Variants in ANTXR2 observed in about 807,000 individuals in gnomAD.
ANTXR2 encodes ANTXR cell adhesion molecule 2.
Under a neutral mutation model 73.7 loss-of-function variants are expected in ANTXR2, and 44 were observed. The observed-to-expected ratio is 0.60, with a 90% confidence interval of 0.47 to 0.77. The LOEUF (loss-of-function observed/expected upper bound fraction) is 0.77. ANTXR2 is among the 30% of genes least tolerant of loss of function. ANTXR2 has a pLI of 0.00. For synonymous variants in ANTXR2, 217 were observed against 205.9 expected (o/e 1.05, Z -0.46); for missense variants, 604 against 592.5 (o/e 1.02, Z -0.20).
At chr4:79,953,271 G>C (rs759779609) in intron 16 of ANTXR2, among the ~76,000 whole-genome samples, 2 of 151,172 alleles carry the variant, frequency 1.3e-5, no homozygotes, top group Non-Finnish European at 2.9e-5. Context: ...ATTTTTGTAA[G>C]ATGATTTTGG....
intron 11 of ANTXR2, 144 bp from the exon 12 acceptor site, chr4:80,008,760 T>A: frequency 2.1e-6 from 1 of 477,874 alleles, no homozygotes; most frequent in Non-Finnish European, 3.6e-6. Flanking sequence ...TTTTAATTTC[T>A]TGAAATTCTA....
chr4:79,906,228 G>A lies in ANTXR2; in HGVS notation c.*1201C>T, dbSNP rs1321293144. 2 of 152,532 alleles carry A rather than the reference G, an allele frequency of 1.3e-5. No individual in the cohort carries two copies. The highest frequency in any genetic ancestry group is 4.8e-5 in the African/African-American group (2 of 41,428). 9.4% of individuals were successfully genotyped at this position (152,532 alleles called of 1,614,324 possible). A position where few individuals can be genotyped will look rare whatever the true frequency, so the allele number is the denominator to read the frequency against. On this transcript the variant is annotated 3_prime_UTR_variant, in exon 17 of 17. Transcript: ENST00000403729. ...GTTTTGTGATAGCGACCCTCCAGAA[G>A]ATTTAATTTGTAAATTGAAGAAAGG... is the stretch of plus-strand genomic sequence containing the variant.
chr4:79,934,934 C>G (rs950216020), intron 16 of ANTXR2, among the ~76,000 whole-genome samples: 1 of 151,470 alleles, frequency 6.6e-6, no homozygotes, highest in Admixed American at 6.6e-5. Context: ...CAGGAACTGA[C>G]TTTGGGCCTT....
intron 7 of ANTXR2, 92 bp from the exon 8 acceptor site, chr4:80,036,124 T>C: frequency 1.0e-6 from 1 of 1,002,552 alleles, no homozygotes; most frequent in South Asian, 1.6e-5. Flanking sequence ...CTTGAGGTCT[T>C]CTCCATACTT....
At chr4:80,063,970 C>A (rs999873870) in intron 3 of ANTXR2, among the ~76,000 whole-genome samples, 4 of 152,082 alleles carry the variant, frequency 2.6e-5, no homozygotes, top group Admixed American at 6.5e-5. Context: ...ACCTTCTAGA[C>A]TTTTATAGAT....
intron 16 of ANTXR2, among the ~76,000 whole-genome samples, chr4:79,923,625 T>C (rs1191026950): frequency 1.3e-5 from 2 of 152,082 alleles, no homozygotes; most frequent in African/African-American, 2.4e-5. Context: ...TCTAAGGCCA[T>C]TGTGAGCCTT....
intron 16 of ANTXR2, among the ~76,000 whole-genome samples, chr4:79,932,792 CAAAAAA>C (rs57359650): frequency 1.9e-4 from 10 of 52,366 alleles, no homozygotes; most frequent in Admixed American, 2.8e-4. Flanking sequence ...AACTCCATCT[CAAAAAA>C]AAAAAAAAAA....
intron 16 of ANTXR2, among the ~76,000 whole-genome samples, chr4:79,909,660 A>G (rs1373593766): frequency 6.6e-5 from 10 of 151,818 alleles, no homozygotes; most frequent in Non-Finnish European, 1.2e-4. Flanking sequence ...AAAAAAAAAT[A>G]AAGAAAAACC....
At chr4:80,001,734 T>C (rs547734193) in intron 12 of ANTXR2, among the ~76,000 whole-genome samples, 251 of 151,574 alleles carry the variant, frequency 1.7e-3, no homozygotes, top group Non-Finnish European at 2.9e-3. Flanking sequence ...TGGGTGCTCC[T>C]GTATTGGGTG....
At position 80,008,565 on chromosome 4, in the gene ANTXR2, C is replaced by T; in HGVS notation, c.997G>A (p.Gly333Arg). ...IVILVLLLLLGIGLMWWFWPL... is the reference protein window; with the variant it reads ...IVILVLLLLLRIGLMWWFWPL... ...CAAAACCACCACATCAAACCGATCC[C>T]CAGGAGTAGCAGTAACACCAAAATA... The change falls in exon 12 of 17, where the codon GGG becomes AGG. Residue 333 changes from glycine (G) to arginine (R), a missense_variant. By Grantham distance (125) the Gly-to-Arg change is moderately radical. Coordinates refer to ENST00000403729, the MANE Select transcript of ANTXR2 (RefSeq NM_058172.6). 6.2e-7 allele frequency: 1 copy of T among 1,608,034 alleles called. No individual in the cohort carries two copies. Among genetic ancestry groups the T allele is most frequent in the Non-Finnish European group, 8.5e-7 (1 of 1,177,710 alleles).
chr4:79,926,555 GATT>G (rs1312539751), intron 16 of ANTXR2, among the ~76,000 whole-genome samples: 2 of 152,048 alleles, frequency 1.3e-5, no homozygotes, highest in Admixed American at 1.3e-4. Context: ...TTAAAGTAAC[GATT>G]ATTAAAAATA....
intron 10 of ANTXR2, chr4:80,024,905 T>G (rs572105849): frequency 7.6e-6 from 2 of 262,188 alleles, no homozygotes; most frequent in Non-Finnish European, 1.6e-5. Context: ...TGGCACCTTG[T>G]GCAGATAATA....
At chr4:80,071,209 T>C (rs557139568) in intron 2 of ANTXR2, among the ~76,000 whole-genome samples, 29 of 152,342 alleles carry the variant, frequency 1.9e-4, no homozygotes, top group Non-Finnish European at 3.5e-4. Context: ...AGGGCCTCTA[T>C]AATGCTAAGA....
At chr4:80,024,704 G>A (rs796612829) in intron 10 of ANTXR2, 3 of 454,078 alleles carry the variant, frequency 6.6e-6, no homozygotes, top group African/African-American at 6.0e-5. Flanking sequence ...CAAAAGTACA[G>A]TGAGTCAGAT....
intron 9 of ANTXR2, among the ~76,000 whole-genome samples, chr4:80,033,258 G>C (rs1732783484): frequency 6.6e-6 from 1 of 151,730 alleles, no homozygotes; most frequent in Non-Finnish European, 1.5e-5. Flanking sequence ...GTTAGGACAG[G>C]GTCCAGCATT....
At chr4:80,015,658 A>G (rs1731802549) in intron 11 of ANTXR2, among the ~76,000 whole-genome samples, 1 of 152,014 alleles carries the variant, frequency 6.6e-6, no homozygotes, top group Non-Finnish European at 1.5e-5. Context: ...TGCTCACATA[A>G]ACTTGCCAGC....
intron 12 of ANTXR2, among the ~76,000 whole-genome samples, chr4:79,985,902 C>T (rs1483899755): frequency 7.0e-6 from 1 of 142,310 alleles, no homozygotes; most frequent in Non-Finnish European, 1.5e-5. Flanking sequence ...AGTGCAATGG[C>T]ATGACCTCAG....
chr4:79,964,287 T>C (rs1729262689), intron 16 of ANTXR2, among the ~76,000 whole-genome samples: 1 of 152,218 alleles, frequency 6.6e-6, no homozygotes, highest in African/African-American at 2.4e-5. Context: ...GCCTTTCTGC[T>C]TCTCTAACTC....
chr4:80,035,023 T>C (rs1467878735), intron 8 of ANTXR2, among the ~76,000 whole-genome samples: 2 of 152,112 alleles, frequency 1.3e-5, no homozygotes, highest in Non-Finnish European at 2.9e-5. Context: ...TCCCCATCTG[T>C]AAACCAGGGA....
Sources: gnomAD v4.1 joint callset for allele counts (sites outside exome capture counted in the v4.1 genomes callset) on GRCh38, gnomAD v4.1.1 for gene constraint, MANE v1.5 for transcripts, NCBI Gene and HGNC (gene_info 2026-07-23, HGNC 2026-07-21) for gene names.